KAZN: variants seen among roughly 807,000 people sequenced by gnomAD.
KAZN encodes kazrin, periplakin interacting protein.
In KAZN, 40 loss-of-function variants were observed where a neutral mutation model predicts 87.4. The ratio of observed to expected loss-of-function variants is 0.46; its 90% CI spans 0.36 to 0.60. KAZN has a LOEUF of 0.60. Ranked by LOEUF, KAZN falls within the 20% of genes least tolerant of loss-of-function variation. The pLI is 0.00. For synonymous variants in KAZN, 466 were observed against 458.3 expected (o/e 1.02, Z -0.22); for missense variants, 898 against 1,073.9 (o/e 0.84, Z 2.29).
At chr1:15,040,019 G>A (rs72868370) in intron 3 of KAZN, among the ~76,000 whole-genome samples, 2,846 of 152,264 alleles carry the variant, frequency 0.019, 91 homozygotes, top group African/African-American at 0.064. Context: ...GGAGAGAGTC[G>A]CGCCTGTAGA....
intron 1 of KAZN, among the ~76,000 whole-genome samples, chr1:13,927,286 T>TCA (rs1640316701): frequency 6.6e-6 from 1 of 152,158 alleles, no homozygotes; most frequent in Non-Finnish European, 1.5e-5. Flanking sequence ...AACTAGAAGG[T>TCA]CACACAGGGA....
At chr1:14,571,752 A>G (rs1416025788) in intron 2 of KAZN, among the ~76,000 whole-genome samples, 1 of 152,166 alleles carries the variant, frequency 6.6e-6, no homozygotes, top group Non-Finnish European at 1.5e-5. Context: ...CTCCGCCAAG[A>G]TTCCATAGAG....
chr1:15,043,597 G>A (rs1413549385), intron 3 of KAZN, among the ~76,000 whole-genome samples: 2 of 148,492 alleles, frequency 1.3e-5, no homozygotes, highest in Admixed American at 6.7e-5. Context: ...CACAGAGCCA[G>A]AGCTCCTGGC....
At chr1:14,448,197 G>A (rs1201160148) in intron 2 of KAZN, among the ~76,000 whole-genome samples, 1 of 152,210 alleles carries the variant, frequency 6.6e-6, no homozygotes, top group East Asian at 1.9e-4. Flanking sequence ...ACAGAGGAGG[G>A]CACTGAGACT....
intron 1 of KAZN, among the ~76,000 whole-genome samples, chr1:14,846,744 C>T (rs1475681141): frequency 6.6e-6 from 1 of 152,170 alleles, no homozygotes; most frequent in East Asian, 1.9e-4. Flanking sequence ...CCACAGTGAT[C>T]ATAACTGTTG....
intron 1 of KAZN, among the ~76,000 whole-genome samples, chr1:13,964,264 C>T (rs774814335): frequency 2.6e-5 from 4 of 152,014 alleles, no homozygotes; most frequent in South Asian, 2.1e-4. Flanking sequence ...TGTTTAACAA[C>T]GAGTAAGTGT....
Position 14,960,755 on chromosome 1 carries a change from G to C in KAZN, c.298G>C (p.Ala100Pro). ...TCTCCGGCAGATGAAGGAGATGTTG[G>C]CGAAGGACCTGGAGGAGTCGCAGGG... is the stretch of plus-strand genomic sequence containing the variant. The part of the protein sequence containing the change: ...HLLRQMKEML[A>P]KDLEESQGGK... Residue 100 changes from alanine to proline, a missense_variant, in exon 2 of 15, where the codon GCG (alanine) becomes CCG (proline). By Grantham distance (27) the Ala-to-Pro change is conservative. Around this residue, in one of 3 missense-constraint regions of KAZN, gnomAD observed 250 missense variants for 263.0 expected, o/e 0.95. Coordinates refer to ENST00000376030, the MANE Select transcript of KAZN (RefSeq NM_201628.3). 2 of 1,600,978 alleles carry C rather than the reference G, an allele frequency of 1.2e-6. No individual in the cohort carries two copies. Among genetic ancestry groups the C allele is most frequent in the East Asian group, 2.2e-5 (1 of 44,450 alleles).
intron 2 of KAZN, among the ~76,000 whole-genome samples, chr1:14,261,945 A>G (rs1378257277): frequency 6.6e-6 from 1 of 152,152 alleles, no homozygotes; most frequent in Non-Finnish European, 1.5e-5. Flanking sequence ...ATGGTGGTGG[A>G]CAGATGACCA....
At chr1:14,754,290 G>A (rs1644496842) in intron 1 of KAZN, among the ~76,000 whole-genome samples, 1 of 152,192 alleles carries the variant, frequency 6.6e-6, no homozygotes, top group East Asian at 1.9e-4. Context: ...CACATAATCA[G>A]ATATAAAACA....
At chr1:14,479,781 C>T (rs1224125827) in intron 2 of KAZN, among the ~76,000 whole-genome samples, 16 of 152,154 alleles carry the variant, frequency 1.1e-4, no homozygotes, top group African/African-American at 2.7e-4. Context: ...GGACCTGGGA[C>T]GTGGGAGGCG....
intron 8 of KAZN, among the ~76,000 whole-genome samples, chr1:15,085,006 A>G (rs1209671569): frequency 1.3e-5 from 2 of 152,274 alleles, no homozygotes; most frequent in African/African-American, 4.8e-5. Flanking sequence ...TCACAAGACC[A>G]GGAAAACTTG....
intron 2 of KAZN, among the ~76,000 whole-genome samples, chr1:14,272,744 G>GATACT (rs1476833308): frequency 1.3e-5 from 2 of 152,156 alleles, no homozygotes; most frequent in Non-Finnish European, 2.9e-5. Context: ...TGTAATCCCA[G>GATACT]ATACTTGGGA....
chr1:14,392,017 C>T (rs763079080), intron 2 of KAZN, among the ~76,000 whole-genome samples: 1 of 152,142 alleles, frequency 6.6e-6, no homozygotes, highest in Non-Finnish European at 1.5e-5. Context: ...CTCTGGCATC[C>T]AGGAATATGA....
intron 1 of KAZN, among the ~76,000 whole-genome samples, chr1:14,871,030 C>G (rs910193142): frequency 3.9e-5 from 6 of 152,208 alleles, no homozygotes; most frequent in African/African-American, 7.2e-5. Context: ...CTCAGCTCAC[C>G]TGTTCTTTGT....
intron 10 of KAZN, among the ~76,000 whole-genome samples, chr1:15,101,295 TTCTC>T (rs914080171): frequency 4.6e-5 from 7 of 151,704 alleles, no homozygotes; most frequent in Non-Finnish European, 8.8e-5. Context: ...CTGTGTCCCT[TTCTC>T]TCTCTCTGTC....
At chr1:14,084,798 G>A (rs1643803219) in intron 1 of KAZN, among the ~76,000 whole-genome samples, 1 of 151,950 alleles carries the variant, frequency 6.6e-6, no homozygotes, top group Non-Finnish European at 1.5e-5. Flanking sequence ...GTTAATGGGT[G>A]CAGCACACCA....
At chr1:14,520,824 G>A (rs1259885453) in intron 2 of KAZN, among the ~76,000 whole-genome samples, 4 of 152,118 alleles carry the variant, frequency 2.6e-5, no homozygotes, top group South Asian at 2.1e-4. Context: ...CTGATTCACC[G>A]GACTCAACTA....
At chr1:14,616,756 G>A (rs528853357) in intron 1 of KAZN, among the ~76,000 whole-genome samples, 5 of 152,178 alleles carry the variant, frequency 3.3e-5, no homozygotes, top group African/African-American at 7.2e-5. Flanking sequence ...CATGAAATAC[G>A]AAGCTCAGCG....
chr1:15,039,734 C>T (rs1031006218), intron 3 of KAZN, among the ~76,000 whole-genome samples: 2 of 150,640 alleles, frequency 1.3e-5, no homozygotes, highest in Non-Finnish European at 3.0e-5. Flanking sequence ...CAATAAAATT[C>T]CCATGGAGAG....
Sources: allele counts gnomAD v4.1 joint callset (sites outside exome capture counted in the v4.1 genomes callset), GRCh38; gene constraint gnomAD v4.1.1; regional missense constraint gnomAD v4.1.1; transcripts MANE v1.5; gene names NCBI Gene and HGNC (gene_info 2026-07-23, HGNC 2026-07-21).